The following NRF1 variants were observed in gnomAD, a reference collection of about 807,000 sequenced individuals.
The protein encoded by NRF1 is nuclear respiratory factor 1.
NRF1 carries 5 observed loss-of-function variants against 58.5 expected under a neutral mutation model. The observed-to-expected ratio is 0.09, with a 90% confidence interval of 0.04 to 0.18. NRF1 has a LOEUF of 0.18. Among genes scored for constraint, NRF1 ranks in the 10% least tolerant of loss-of-function variants. The pLI, the probability that NRF1 is intolerant of heterozygous loss-of-function variation, is 1.00. For synonymous variants in NRF1, 224 were observed against 246.7 expected (o/e 0.91, Z 0.86); for missense variants, 288 against 657.7 (o/e 0.44, Z 6.15).
At chr7:129,695,155 G>C (rs1802658689) in intron 5 of NRF1, among the ~76,000 whole-genome samples, 1 of 151,660 alleles carries the variant, frequency 6.6e-6, no homozygotes, top group South Asian at 2.1e-4. Context: ...TTATTTTTCT[G>C]TTTCTTTTGG....
chr7:129,673,004 A>G (rs996267777), intron 3 of NRF1, among the ~76,000 whole-genome samples: 7 of 152,180 alleles, frequency 4.6e-5, no homozygotes, highest in Non-Finnish European at 1.0e-4. Flanking sequence ...CAGCAAAAGA[A>G]TCTAAGAAGC....
intron 3 of NRF1, among the ~76,000 whole-genome samples, chr7:129,673,578 G>A (rs1284336480): frequency 1.3e-5 from 2 of 151,666 alleles, no homozygotes; most frequent in South Asian, 2.1e-4. Flanking sequence ...TTAGCCGGGC[G>A]CAGTGGCGGG....
At chr7:129,716,094 C>A (rs1465657275) in intron 8 of NRF1, among the ~76,000 whole-genome samples, 1 of 151,608 alleles carries the variant, frequency 6.6e-6, no homozygotes, top group East Asian at 1.9e-4. Flanking sequence ...AAAATGGAAT[C>A]ATTTCAGAGA....
Position 129,706,745 on chromosome 7 carries a change from G to A in NRF1, c.607-2330G>A, listed in dbSNP as rs1239176354. 3.3e-5 allele frequency among the ~76,000 whole-genome samples: 5 copies of A among 152,108 alleles called. No homozygotes were observed. In the East Asian group the frequency reaches 5.8e-4, roughly 18 times the overall value. The stretch of plus-strand genomic sequence containing the variant: ...AGACTTGAGGGTGAAAGATATCCAC[G>A]TCCAGGTGCCAACGTGACCCAGAAC... On this transcript the variant is annotated intron_variant, in intron 5 of 10. Transcript: ENST00000393232.
At chr7:129,645,836 A>G (rs1216175788) in intron 1 of NRF1, among the ~76,000 whole-genome samples, 1 of 152,020 alleles carries the variant, frequency 6.6e-6, no homozygotes, top group Non-Finnish European at 1.5e-5. Flanking sequence ...TGTCTGTGTG[A>G]AGCATTTTAT....
chr7:129,730,262 C>T lies in NRF1; in HGVS notation c.1348+2897C>T, dbSNP rs377289545. On this transcript the variant is annotated intron_variant, in intron 10 of 10. Coordinates refer to ENST00000393232, the MANE Select transcript of NRF1 (RefSeq NM_005011.5). Reference sequence around the variant, plus strand: ...CTGGTCTCAAACTCTCGGGCTCGAGCGATCCTCCCACTTTTGCCTCCCAAA... The same window carrying T: ...CTGGTCTCAAACTCTCGGGCTCGAGTGATCCTCCCACTTTTGCCTCCCAAA... Among the ~76,000 whole-genome samples, 39 of 152,056 alleles carry T rather than the reference C, an allele frequency of 2.6e-4. No homozygotes were observed. The South Asian group carries it at 6.7e-3, about 26-fold the overall frequency.
intron 10 of NRF1, among the ~76,000 whole-genome samples, chr7:129,752,983 G>T (rs1804159660): frequency 6.6e-6 from 1 of 152,168 alleles, no homozygotes; most frequent in Admixed American, 6.5e-5. Context: ...AGGAGCCAGG[G>T]TTTCTAGTGA....
chr7:129,681,739 A>G (rs1270906706), intron 4 of NRF1, among the ~76,000 whole-genome samples: 1 of 151,938 alleles, frequency 6.6e-6, no homozygotes, highest in Non-Finnish European at 1.5e-5. Flanking sequence ...ACACCCAGCT[A>G]AGATAAGAAG....
intron 3 of NRF1, among the ~76,000 whole-genome samples, chr7:129,672,357 A>G (rs1219087967): frequency 6.6e-6 from 1 of 151,898 alleles, no homozygotes; most frequent in Non-Finnish European, 1.5e-5. Flanking sequence ...TTATAGTCCA[A>G]TATCAGGGGC....
chr7:129,666,719 A>T (rs1280867026), intron 2 of NRF1, among the ~76,000 whole-genome samples: 1 of 152,084 alleles, frequency 6.6e-6, no homozygotes, highest in African/African-American at 2.4e-5. Context: ...TTTAGTAGAG[A>T]TGGGGTTTAC....
At chr7:129,696,060 T>TAA (rs11434445) in intron 5 of NRF1, among the ~76,000 whole-genome samples, 6,097 of 53,126 alleles carry the variant, frequency 0.11, 995 homozygotes, top group East Asian at 0.18. Context: ...CCGTCTCTAC[T>TAA]AAAAAAAAAA....
chr7:129,634,029 TAA>T (rs34010272), intron 1 of NRF1, among the ~76,000 whole-genome samples: 6,547 of 110,588 alleles, frequency 0.059, 203 homozygotes, highest in Non-Finnish European at 0.083. Context: ...CATCTGTATT[TAA>T]AAAAAAAAAA....
intron 3 of NRF1, 150 bp downstream of exon 3, chr7:129,671,693 A>G: frequency 1.7e-6 from 1 of 582,530 alleles, no homozygotes; most frequent in Non-Finnish European, 3.1e-6. Context: ...ACAAAATTAA[A>G]TGCATGAAAA....
chr7:129,614,975 T>G (rs1800630622), intron 1 of NRF1, among the ~76,000 whole-genome samples: 1 of 152,230 alleles, frequency 6.6e-6, no homozygotes, highest in Non-Finnish European at 1.5e-5. Context: ...AAGGGAAATT[T>G]AAGCTCCTGT....
intron 1 of NRF1, among the ~76,000 whole-genome samples, chr7:129,653,627 C>T (rs181627756): frequency 2.0e-5 from 3 of 152,246 alleles, no homozygotes; most frequent in East Asian, 3.9e-4. Flanking sequence ...GAAAATGCTC[C>T]GCCTGTTCAT....
At chr7:129,722,243 T>C (rs1294519531) in intron 9 of NRF1, among the ~76,000 whole-genome samples, 1 of 151,606 alleles carries the variant, frequency 6.6e-6, no homozygotes, top group Non-Finnish European at 1.5e-5. Flanking sequence ...AATACAAAAG[T>C]AGCCGGGCGT....
At chr7:129,754,627 T>C (rs1225269871) in intron 10 of NRF1, among the ~76,000 whole-genome samples, 1 of 151,956 alleles carries the variant, frequency 6.6e-6, no homozygotes, top group Non-Finnish European at 1.5e-5. Flanking sequence ...AGTTACACAG[T>C]AGGGTGACTG....
intron 4 of NRF1, among the ~76,000 whole-genome samples, chr7:129,678,921 A>C (rs1164424630): frequency 6.6e-6 from 1 of 152,234 alleles, no homozygotes; most frequent in Non-Finnish European, 1.5e-5. Context: ...AGACTCTGTT[A>C]AACAGGATGC....
intron 2 of NRF1, among the ~76,000 whole-genome samples, chr7:129,670,235 G>C (rs1802016418): frequency 6.6e-6 from 1 of 152,184 alleles, no homozygotes; most frequent in South Asian, 2.1e-4. Context: ...AATAAGTTCT[G>C]GATAGCCGTA....
Sources: allele counts gnomAD v4.1 joint callset (sites outside exome capture counted in the v4.1 genomes callset), GRCh38; gene constraint gnomAD v4.1.1; transcripts MANE v1.5; gene names NCBI Gene and HGNC (gene_info 2026-07-23, HGNC 2026-07-21).